GRAMD4: variants seen among roughly 807,000 people sequenced by gnomAD.
GRAMD4 encodes GRAM domain containing 4.
Under a neutral mutation model 83.9 loss-of-function variants are expected in GRAMD4, and 25 were observed. The observed-to-expected ratio is 0.30, with a 90% CI of 0.22 to 0.42. The LOEUF is 0.42. Among genes scored for constraint, GRAMD4 ranks in the 10% least tolerant of loss-of-function variants. The pLI, the probability that GRAMD4 is intolerant of heterozygous loss-of-function variation, is 1.00. For synonymous variants in GRAMD4, 336 were observed against 320.9 expected, an observed-to-expected ratio of 1.05 and a Z score of -0.50; for missense variants, 593 against 788.7, an observed-to-expected ratio of 0.75 and a Z score of 2.97.
chr22:46,585,523 C>T (rs779979252), intron 1 of GRAMD4, among the ~76,000 whole-genome samples: 4 of 152,190 alleles, frequency 2.6e-5, no homozygotes, highest in East Asian at 3.9e-4. Flanking sequence ...GGGTTAACTT[C>T]GGCCCTAGAC....
chr22:46,639,153 AGTGTGT>A lies in GRAMD4; in HGVS notation c.283+1216_283+1221del, dbSNP rs3081630. Among the ~76,000 whole-genome samples, 1,405 of 149,714 alleles carry A rather than the reference AGTGTGT, an allele frequency of 9.4e-3. 8 individuals are homozygous for A. The highest frequency in any genetic ancestry group is 0.013 in the Non-Finnish European group (899 of 67,248). ...GGCTATGGTTAACGGTGTGTGCGTG[AGTGTGT>A]GTGTGTGTGTGTGTGTGTGTGTATG... On this transcript the variant is annotated intron_variant, in intron 3 of 18. Transcript: ENST00000406902.
chr22:46,641,048 A>G (rs1480534644), intron 3 of GRAMD4, among the ~76,000 whole-genome samples: 1 of 152,212 alleles, frequency 6.6e-6, no homozygotes, highest in Non-Finnish European at 1.5e-5. Flanking sequence ...CCCGGATGAC[A>G]GAGCGAGACC....
In GRAMD4 at chr22:46,620,782, C is replaced by T. The variant is rs905346972; in HGVS notation, c.-50+217C>T. 2.0e-5 allele frequency among the ~76,000 whole-genome samples: 3 copies of T among 152,092 alleles called. No individual in the cohort carries two copies. Among genetic ancestry groups the T allele is most frequent in the Non-Finnish European group, 2.9e-5 (2 of 67,996 alleles). ...CCTGCGCAGCCCGGGGCCAGGGGTC[C>T]AGTGAGGAAGGGTGGAGGCCTCCTG... On this transcript the variant is annotated intron_variant, in intron 1 of 18. Coordinates refer to ENST00000406902, the MANE Select transcript of GRAMD4 (RefSeq NM_015124.5). This position sits in a 1 kb window ranked among gnomAD's most constrained non-coding sequence, Gnocchi z 4.7.
intron 1 of GRAMD4, among the ~76,000 whole-genome samples, chr22:46,584,254 C>T (rs973640476): frequency 2.6e-5 from 4 of 152,050 alleles, no homozygotes; most frequent in African/African-American, 7.2e-5. Context: ...AGGGCAGAAT[C>T]GGAAACCAAG....
chr22:46,600,763 A>C (rs1015633659), intron 1 of GRAMD4, among the ~76,000 whole-genome samples: 3 of 152,206 alleles, frequency 2.0e-5, no homozygotes, highest in Non-Finnish European at 4.4e-5. Context: ...AAAACTAAGA[A>C]ATTTAAAAAG....
chr22:46,658,239 G>A lies in GRAMD4; in HGVS notation c.336G>A (p.Gln112=). 1 of 1,613,670 alleles carries A rather than the reference G, an allele frequency of 6.2e-7. No individual in the cohort carries two copies. Among genetic ancestry groups the A allele is most frequent in the Non-Finnish European group, 8.5e-7 (1 of 1,179,952 alleles). ...REETNAEMLR[Q]ELDRERQRRM... is the part of the protein sequence containing the mutation. Reference sequence around the variant, plus strand: ...AAACCAACGCGGAGATGCTGCGGCAGGAGCTGGACCGCGAGCGGCAGCGGC... The same window carrying A: ...AAACCAACGCGGAGATGCTGCGGCAAGAGCTGGACCGCGAGCGGCAGCGGC... Residue 112 remains glutamine, a synonymous_variant, in exon 4 of 19, where the codon CAG becomes CAA. Transcript: ENST00000406902.
chr22:46,647,492 G>C (rs1320721135), intron 3 of GRAMD4, among the ~76,000 whole-genome samples: 1 of 151,990 alleles, frequency 6.6e-6, no homozygotes, highest in Admixed American at 6.5e-5. Flanking sequence ...AGAAACCCCT[G>C]ATCCTGCCAG....
At position 46,658,224 on chromosome 22, in the gene GRAMD4, G is replaced by A. The variant is rs142065018; in HGVS notation, c.321G>A (p.Ala107=). The A allele has an allele frequency of 1.2e-5, 20 of 1,613,612 alleles. No homozygotes were observed. Among genetic ancestry groups the A allele is most frequent in the South Asian group, 3.3e-5 (3 of 91,082 alleles). The change falls in exon 4 of 19, where the codon GCG becomes GCA. Residue 107 remains alanine, a synonymous_variant. Coordinates refer to ENST00000406902, the MANE Select transcript of GRAMD4 (RefSeq NM_015124.5). ...ELRKLREETN[A]EMLRQELDRE... is the part of the protein sequence containing the mutation. ...GGAAGCTGCGAGAAGAAACCAACGC[G>A]GAGATGCTGCGGCAGGAGCTGGACC... is the stretch of plus-strand genomic sequence containing the variant.
intron 1 of GRAMD4, among the ~76,000 whole-genome samples, chr22:46,609,351 T>G (rs1354400224): frequency 6.6e-6 from 1 of 152,214 alleles, no homozygotes; most frequent in Non-Finnish European, 1.5e-5. Context: ...AGCCCTGTGT[T>G]GGGCTTGTAT....
chr22:46,674,865 C>A, intron 16 of GRAMD4, 115 bp downstream of exon 16: 2 of 759,442 alleles, frequency 2.6e-6, no homozygotes. Flanking sequence ...GTGGCCATGG[C>A]CTCTCCCATG....
At chr22:46,652,917 A>C (rs2082187910) in intron 3 of GRAMD4, among the ~76,000 whole-genome samples, 1 of 152,164 alleles carries the variant, frequency 6.6e-6, no homozygotes, top group Non-Finnish European at 1.5e-5. Context: ...GGCACACTGC[A>C]GTTGACCTGA....
intron 3 of GRAMD4, among the ~76,000 whole-genome samples, chr22:46,655,866 G>A (rs80089874): frequency 0.089 from 13,579 of 152,326 alleles, 806 homozygotes; most frequent in African/African-American, 0.17. Flanking sequence ...GCCCTGGGGA[G>A]GCACCGGCTT....
chr22:46,667,213 TG>T (rs1047833321), intron 10 of GRAMD4, among the ~76,000 whole-genome samples: 1 of 152,068 alleles, frequency 6.6e-6, no homozygotes, highest in Non-Finnish European at 1.5e-5. Flanking sequence ...GGTAGGGTGG[TG>T]AACAGTAGGC....
At chr22:46,630,232 C>T (rs1453333344) in intron 2 of GRAMD4, among the ~76,000 whole-genome samples, 1 of 152,088 alleles carries the variant, frequency 6.6e-6, no homozygotes, top group Non-Finnish European at 1.5e-5. Flanking sequence ...CGCCGTGTTG[C>T]CCAGGCTGTT....
At chr22:46,591,863 C>T (rs2081212817) in intron 1 of GRAMD4, among the ~76,000 whole-genome samples, 1 of 139,422 alleles carries the variant, frequency 7.2e-6, no homozygotes, top group Admixed American at 7.2e-5. Flanking sequence ...CCCAGAAAGG[C>T]CAACCCCCGC....
rs1347222904 is a variant in GRAMD4 at position 46,636,457 on chromosome 22, C to T, written c.163-1383C>T. On this transcript the variant is annotated intron_variant, in intron 2 of 18. Transcript: ENST00000406902. ...AGGTCGGGCACCCAGAACGGGGCAGCCACAGCCAGAGTGCCCTGCCTAGAA... is the reference window on the plus strand; with the variant it reads ...AGGTCGGGCACCCAGAACGGGGCAGTCACAGCCAGAGTGCCCTGCCTAGAA... 3.3e-5 allele frequency among the ~76,000 whole-genome samples: 5 copies of T among 152,354 alleles called. No homozygotes were observed. The East Asian group carries it at 7.7e-4, about 23-fold the overall frequency.
At chr22:46,656,463 G>T (rs1344853864) in intron 3 of GRAMD4, among the ~76,000 whole-genome samples, 1 of 152,228 alleles carries the variant, frequency 6.6e-6, no homozygotes. Flanking sequence ...TTTCTGTACG[G>T]CTACTCCTGG....
Position 46,621,200 on chromosome 22 carries a change from C to T in GRAMD4, c.-50+635C>T, listed in dbSNP as rs915365414. 2.0e-5 allele frequency among the ~76,000 whole-genome samples: 3 copies of T among 152,100 alleles called. No homozygotes were observed. Among genetic ancestry groups the T allele is most frequent in the African/African-American group, 4.8e-5 (2 of 41,400 alleles). On this transcript the variant is annotated intron_variant, in intron 1 of 18. Transcript: ENST00000406902. The surrounding 1 kb of genome is among the most constrained non-coding windows in gnomAD (Gnocchi z 5.8). Reference sequence around the variant, plus strand: ...CGCAGGTGGGCGGTGTCGGGAGACCCGGGTCTGGCCTGAGGTGCAGCCTGG... The same window carrying T: ...CGCAGGTGGGCGGTGTCGGGAGACCTGGGTCTGGCCTGAGGTGCAGCCTGG...
chr22:46,608,958 G>A (rs539012694), intron 1 of GRAMD4, among the ~76,000 whole-genome samples: 3 of 151,108 alleles, frequency 2.0e-5, no homozygotes, highest in Non-Finnish European at 3.0e-5. Flanking sequence ...AGTACCAGCC[G>A]CCCCAGAGGC....
Sources: allele counts gnomAD v4.1 joint callset (sites outside exome capture counted in the v4.1 genomes callset), GRCh38; gene constraint gnomAD v4.1.1; non-coding constraint Gnocchi (gnomAD v3.1); transcripts MANE v1.5; gene names NCBI Gene and HGNC (gene_info 2026-07-23, HGNC 2026-07-21).